UBA7: variants seen among roughly 807,000 people sequenced by gnomAD.
The protein encoded by UBA7 is ubiquitin like modifier activating enzyme 7.
UBA7 carries 88 observed loss-of-function variants against 113.0 expected under a neutral mutation model. The ratio of observed to expected loss-of-function variants is 0.78; its 90% CI spans 0.66 to 0.93. The LOEUF is 0.93. UBA7 is among the 40% of genes least tolerant of loss of function. UBA7 has a pLI of 0.00. For missense variants in UBA7, 1,092 were observed against 1,266.4 expected (o/e 0.86, Z 2.09); for synonymous variants, 459 against 513.0 (o/e 0.89, Z 1.42).
At chr3:49,809,205 T>TG (rs754865614) in intron 17 of UBA7, 46 bp from the exon 18 acceptor site, 24 of 1,571,664 alleles carry the variant, frequency 1.5e-5, no homozygotes, top group Non-Finnish European at 2.1e-5. Context: ...GTGCATGGGG[T>TG]GGGGGTCACT....
At position 49,809,006 on chromosome 3, in the gene UBA7, G is replaced by A. The variant is rs2081498502; in HGVS notation, c.2317C>T (p.Leu773=). The A allele has an allele frequency of 1.2e-6, 2 of 1,613,732 alleles. No individual in the cohort carries two copies. ...QQMAPIFASN[L]ELASASAEFG... ...TCAGCAGAAGCCGAAGCCAGCTCTA[G>A]ATTACTAGCAAAGATGGGGGCCATC... is the stretch of plus-strand genomic sequence containing the variant. Residue 773 remains leucine, a synonymous_variant, in exon 18 of 24, where the codon CTA becomes TTA. Coordinates refer to ENST00000333486, the MANE Select transcript of UBA7 (RefSeq NM_003335.3).
chr3:49,809,217 T>C lies in UBA7; in HGVS notation c.2164-58A>G, dbSNP rs946581130. ...TGGGTGCATGGGGTGGGGGTCACTG[T>C]CCATTTGTGGATCTGTTTGAGTGCC... On this transcript the variant is annotated intron_variant, in intron 17 of 23. Transcript: ENST00000333486. 5.8e-6 allele frequency: 9 copies of C among 1,560,846 alleles called. No individual in the cohort carries two copies. In the African/African-American group the frequency reaches 1.2e-4, roughly 21 times the overall value.
At chr3:49,808,185 CACAA>C in intron 19 of UBA7, 73 bp from the exon 20 acceptor site, 1 of 1,569,768 alleles carries the variant, frequency 6.4e-7, no homozygotes, top group South Asian at 1.1e-5. Context: ...CGTGTCACTG[CACAA>C]GTCTCCACAC....
Position 49,813,299 on chromosome 3 carries a change from C to T in UBA7, c.310G>A (p.Val104Ile). 6.2e-7 allele frequency: 1 copy of T among 1,614,220 alleles called. No individual in the cohort carries two copies. The highest frequency in any genetic ancestry group is 8.5e-7 in the Non-Finnish European group (1 of 1,180,044). Residue 104 changes from valine to isoleucine, a missense_variant, in exon 3 of 24, where the codon GTC becomes ATC. Physicochemically the swap from Val to Ile is conservative, Grantham distance 29 (BLOSUM62 3). Coordinates refer to ENST00000333486, the MANE Select transcript of UBA7 (RefSeq NM_003335.3). ...GTGATGTCACCCGTGTGCACGACGA[C>T]CTGGACAGCTCTGTTGAGCTGAGCC... ...LLAQLNRAVQ[V>I]VVHTGDITED...
intron 3 of UBA7, 31 bp from the exon 4 acceptor site, chr3:49,813,199 A>T: frequency 6.2e-7 from 1 of 1,613,696 alleles, no homozygotes; most frequent in Admixed American, 1.7e-5. Flanking sequence ...GCAGGGCCAA[A>T]ACCATTGCCC....
Position 49,807,682 on chromosome 3 carries a change from G to C in UBA7, c.2715+54C>G. The C allele has an allele frequency of 6.5e-7, 1 of 1,548,214 alleles. No homozygotes were observed. The highest frequency in any genetic ancestry group is 1.3e-5 in the South Asian group (1 of 79,854). On this transcript the variant is annotated intron_variant, in intron 21 of 23. Coordinates refer to ENST00000333486, the MANE Select transcript of UBA7 (RefSeq NM_003335.3). The surrounding 1 kb of genome is among the most constrained non-coding windows in gnomAD (Gnocchi z 4.0). ...GCTAGATTGGGGCCTGTATGGGCAGGTGCAGGGGAAACCCAGGCCTAGTAG... is the reference window on the plus strand; with the variant it reads ...GCTAGATTGGGGCCTGTATGGGCAGCTGCAGGGGAAACCCAGGCCTAGTAG...
chr3:49,811,337 C>G lies in UBA7; in HGVS notation c.1058G>C (p.Ser353Thr). 6.2e-7 allele frequency: 1 copy of G among 1,614,228 alleles called. No homozygotes were observed. Among genetic ancestry groups the G allele is most frequent in the Non-Finnish European group, 8.5e-7 (1 of 1,180,038 alleles). The change falls in exon 9 of 24, where the codon AGT (serine) becomes ACT (threonine). Residue 353 changes from serine to threonine, a missense_variant. Ser to Thr is a moderately conservative substitution (Grantham distance 58). Transcript: ENST00000333486. ...CACCATAGGGCTCAAGACACCTGCA[C>G]TGCTTAGGGCGACTGTCCGCACTAG... The part of the protein sequence containing the change: ...EALVRTVALS[S>T]AGVLSPMVAM...
Position 49,810,609 on chromosome 3 carries a change from C to T in UBA7, c.1375G>A (p.Gly459Arg), listed in dbSNP as rs768356948. The T allele has an allele frequency of 8.2e-5, 133 of 1,614,020 alleles. No homozygotes were observed. The highest frequency in any genetic ancestry group is 1.1e-4 in the Non-Finnish European group (127 of 1,180,016). ...KVFALVGLGA[G>R]NSGGLTVVDM... ...ACAACAGTCAAGCCCCCGCTGTTCC[C>T]GGCCCCCAGTCCCACTAGGGCAAAG... The change falls in exon 12 of 24, where the codon GGG (glycine) becomes AGG (arginine). Residue 459 changes from glycine (G) to arginine (R), a missense_variant. Physicochemically the swap from Gly to Arg is moderately radical, Grantham distance 125 (BLOSUM62 -2). Coordinates refer to ENST00000333486, the MANE Select transcript of UBA7 (RefSeq NM_003335.3). This position sits in a 1 kb window ranked among gnomAD's most constrained non-coding sequence, Gnocchi z 5.6.
chr3:49,808,299 C>T (rs543225718), intron 19 of UBA7, 87 bp downstream of exon 19: 4 of 1,570,680 alleles, frequency 2.5e-6, no homozygotes, highest in South Asian at 1.1e-5. Flanking sequence ...GAATTCAGGC[C>T]AAGGGGCTCC....
At chr3:49,813,207 C>T in intron 3 of UBA7, 39 bp from the exon 4 acceptor site, 2 of 1,613,392 alleles carry the variant, frequency 1.2e-6, no homozygotes, top group Non-Finnish European at 1.7e-6. Context: ...AAAACCATTG[C>T]CCAGCCCTTC....
chr3:49,812,599 G>A (rs2081568151), intron 5 of UBA7, 49 bp downstream of exon 5: 1 of 1,614,028 alleles, frequency 6.2e-7, no homozygotes, highest in Non-Finnish European at 8.5e-7. Context: ...CACAGGCCCT[G>A]GCAGCCTCTC....
Position 49,806,029 on chromosome 3 carries a change from CGGGCTGGGCT to C in UBA7, c.2808+34_2809-33del, listed in dbSNP as rs578046641. 1.6e-5 allele frequency: 25 copies of C among 1,569,438 alleles called. No homozygotes were observed. The East Asian group carries it at 5.2e-4, about 32-fold the overall frequency. ...GAGAAAGGTCAGACACCAGCTGGGC[CGGGCTGGGCT>C]GAGCCTGGGGGTTGGGGTAGCAACA... On this transcript the variant is annotated intron_variant, in intron 22 of 23. Coordinates refer to ENST00000333486, the MANE Select transcript of UBA7 (RefSeq NM_003335.3).
At chr3:49,811,518 TTCCAGCCACCC>T (rs2081546925) in intron 8 of UBA7, 63 bp from the exon 9 acceptor site, 1 of 1,539,776 alleles carries the variant, frequency 6.5e-7, no homozygotes, top group Admixed American at 2.0e-5. Context: ...ACTCAAATCC[TTCCAGCCACCC>T]TCCATCCACC....
rs772082184 is a variant in UBA7, at chr3:49,810,608, C to G, written c.1376G>C (p.Gly459Ala). 10 of 1,614,146 alleles carry G rather than the reference C, an allele frequency of 6.2e-6. No homozygotes were observed. The South Asian group carries it at 9.9e-5, about 16-fold the overall frequency. The stretch of plus-strand genomic sequence containing the variant: ...AACAACAGTCAAGCCCCCGCTGTTC[C>G]CGGCCCCCAGTCCCACTAGGGCAAA... ...KVFALVGLGA[G>A]NSGGLTVVDM... Residue 459 changes from glycine to alanine, a missense_variant, in exon 12 of 24, where the codon GGG becomes GCG. Around this residue, in one of 3 missense-constraint regions of UBA7, gnomAD observed 584 missense variants for 714.5 expected, o/e 0.82. Coordinates refer to ENST00000333486, the MANE Select transcript of UBA7 (RefSeq NM_003335.3). This position sits in a 1 kb window ranked among gnomAD's most constrained non-coding sequence, Gnocchi z 5.6.
In UBA7 at chr3:49,809,705, T is replaced by G. The variant is rs776986824; in HGVS notation, c.1925A>C (p.Asp642Ala). 9.3e-6 allele frequency: 15 copies of G among 1,614,124 alleles called. No individual in the cohort carries two copies. The highest frequency in any genetic ancestry group is 1.3e-5 in the Non-Finnish European group (15 of 1,180,032). The change falls in exon 16 of 24, where the codon GAC becomes GCC. Residue 642 changes from aspartate to alanine, a missense_variant. Physicochemically the swap from Asp to Ala is moderately radical, Grantham distance 126. Around this residue, in one of 3 missense-constraint regions of UBA7, gnomAD observed 500 missense variants for 529.3 expected, o/e 0.94. Coordinates refer to ENST00000333486, the MANE Select transcript of UBA7 (RefSeq NM_003335.3). ...GGTGAGTGTCTGTGGCTCATCCATGTCTGCCAGGGAAGTGTGTGCCCTGCA... is the reference window on the plus strand; with the variant it reads ...GGTGAGTGTCTGTGGCTCATCCATGGCTGCCAGGGAAGTGTGTGCCCTGCA... ...HHQQAHTSLA[D>A]MDEPQTLTLL...
Position 49,808,209 on chromosome 3 carries a change from G to A in UBA7, c.2431-97C>T, listed in dbSNP as rs1005032107. The A allele has an allele frequency of 1.9e-4, 290 of 1,538,576 alleles. 1 individual carries two copies. In the East Asian group the frequency reaches 5.6e-3, roughly 30 times the overall value. On this transcript the variant is annotated intron_variant, in intron 19 of 23. Coordinates refer to ENST00000333486, the MANE Select transcript of UBA7 (RefSeq NM_003335.3). Reference sequence around the variant, plus strand: ...GCACAAGTCTCCACACAGTTCTGTCGGGGGGTTGCCCCACATCTCCTCTTG... The same window carrying A: ...GCACAAGTCTCCACACAGTTCTGTCAGGGGGTTGCCCCACATCTCCTCTTG...
rs371830548 is a variant in UBA7 at position 49,813,806 on chromosome 3, A to T, written c.-19T>A. 1 of 1,613,944 alleles carries T rather than the reference A, an allele frequency of 6.2e-7. No individual in the cohort carries two copies. Among genetic ancestry groups the T allele is most frequent in the Non-Finnish European group, 8.5e-7 (1 of 1,179,974 alleles). On this transcript the variant is annotated 5_prime_UTR_variant, in exon 1 of 24. Coordinates refer to ENST00000333486, the MANE Select transcript of UBA7 (RefSeq NM_003335.3). Reference sequence around the variant, plus strand: ...CATCCATCCTCAAACCTGGGGCTGAACAGTAGGCTGCAGCGCTCAGAGATA... The same window carrying T: ...CATCCATCCTCAAACCTGGGGCTGATCAGTAGGCTGCAGCGCTCAGAGATA...
rs903254297 is a variant in UBA7 at position 49,812,425 on chromosome 3, C to G, written c.677G>C (p.Arg226Pro). ...GMVELNDCDP[R>P]SIHVREDGSL... The stretch of plus-strand genomic sequence containing the variant: ...TGGCTTACCCCGCACGTGGATAGAC[C>G]GGGGATCACAGTCGTTGAGCTCAAC... The change falls in exon 6 of 24, where the codon CGG (arginine) becomes CCG (proline). Residue 226 changes from arginine to proline, a missense_variant. Physicochemically the swap from Arg to Pro is moderately radical, Grantham distance 103. This residue lies in a region of UBA7 where 584 missense variants were observed against 714.5 expected (regional missense o/e 0.82). Coordinates refer to ENST00000333486, the MANE Select transcript of UBA7 (RefSeq NM_003335.3). The G allele has an allele frequency of 6.2e-7, 1 of 1,614,082 alleles. No individual in the cohort carries two copies. Among genetic ancestry groups the G allele is most frequent in the African/African-American group, 1.3e-5 (1 of 74,926 alleles).
chr3:49,808,900 C>T (rs570888556), intron 18 of UBA7, 76 bp downstream of exon 18: 2 of 1,525,342 alleles, frequency 1.3e-6, no homozygotes, highest in Non-Finnish European at 1.8e-6. Context: ...TATCTTCCTT[C>T]TGCAGCACAG....
Sources: gnomAD v4.1 joint callset for allele counts on GRCh38, gnomAD v4.1.1 for gene constraint, gnomAD v4.1.1 regional missense constraint, Gnocchi (gnomAD v3.1) non-coding constraint, MANE v1.5 for transcripts, NCBI Gene and HGNC (gene_info 2026-07-23, HGNC 2026-07-21) for gene names.